The following KIAA1328 variants were observed in gnomAD, a reference collection of about 807,000 sequenced individuals.
KIAA1328 encodes the protein protein hinderin.
A neutral mutation model predicts 68.1 loss-of-function variants in KIAA1328; 52 were observed. The observed-to-expected ratio is 0.76, with a 90% CI of 0.61 to 0.96. The LOEUF (loss-of-function observed/expected upper bound fraction) is 0.96. KIAA1328 is among the 40% of genes least tolerant of loss of function. The probability of loss-of-function intolerance (pLI) is 0.00; values close to 1 mark genes in which losing one functional copy is unlikely to be tolerated. For synonymous variants in KIAA1328, 232 were observed against 239.4 expected (o/e 0.97, Z 0.28); for missense variants, 641 against 677.6 (o/e 0.95, Z 0.60).
intron 3 of KIAA1328, among the ~76,000 whole-genome samples, chr18:36,837,915 ACT>A (rs1486945914): frequency 6.6e-6 from 1 of 151,048 alleles, no homozygotes; most frequent in Non-Finnish European, 1.5e-5. Context: ...TTATTTTTGG[ACT>A]CTCTGTATTC....
At chr18:36,940,949 T>C (rs557345365) in intron 5 of KIAA1328, among the ~76,000 whole-genome samples, 23 of 152,254 alleles carry the variant, frequency 1.5e-4, no homozygotes, top group Middle Eastern at 3.4e-3. Flanking sequence ...GCTGGAATTA[T>C]AGGCATGAGC....
intron 5 of KIAA1328, among the ~76,000 whole-genome samples, chr18:36,898,600 T>C (rs935017510): frequency 2.0e-5 from 3 of 151,984 alleles, no homozygotes; most frequent in South Asian, 2.1e-4. Flanking sequence ...AAAAAAGATA[T>C]ATGTTTATTT....
intron 7 of KIAA1328, among the ~76,000 whole-genome samples, chr18:37,106,285 G>C (rs879264293): frequency 2.6e-5 from 4 of 152,162 alleles, no homozygotes; most frequent in Non-Finnish European, 5.9e-5. Context: ...CTAATACAGA[G>C]ATAAAGGAAG....
chr18:36,886,709 A>T (rs773947316), intron 5 of KIAA1328, among the ~76,000 whole-genome samples: 1 of 152,172 alleles, frequency 6.6e-6, no homozygotes, highest in East Asian at 1.9e-4. Context: ...CTGCCAGCTA[A>T]ACTAGTGTGT....
At chr18:36,987,828 T>G (rs963056303) in intron 6 of KIAA1328, among the ~76,000 whole-genome samples, 1 of 152,132 alleles carries the variant, frequency 6.6e-6, no homozygotes, top group Non-Finnish European at 1.5e-5. Flanking sequence ...AATGCTGTTT[T>G]TTTTTGTTTT....
intron 9 of KIAA1328, among the ~76,000 whole-genome samples, chr18:37,181,036 T>A (rs1343296820): frequency 2.6e-5 from 4 of 152,162 alleles, no homozygotes; most frequent in African/African-American, 9.6e-5. Context: ...ATAGAATTTA[T>A]TCCCATTTTT....
Position 37,111,686 on chromosome 18 carries a change from G to A in KIAA1328, c.1232+44141G>A, listed in dbSNP as rs146007146. On this transcript the variant is annotated intron_variant, in intron 7 of 9. Transcript: ENST00000280020. ...CTCACTGGGGCTTGTCAGACAGTGG[G>A]TGTAGCCCTGGGAGTATGAGCCAAA... Among the ~76,000 whole-genome samples, 110 of 152,298 alleles carry A rather than the reference G, an allele frequency of 7.2e-4. No individual in the cohort carries two copies. In the East Asian group the frequency reaches 0.021, roughly 29 times the overall value.
At chr18:37,147,001 A>C (rs752346556) in intron 7 of KIAA1328, among the ~76,000 whole-genome samples, 1 of 152,112 alleles carries the variant, frequency 6.6e-6, no homozygotes, top group Non-Finnish European at 1.5e-5. Context: ...AGCTCCCATG[A>C]AAGCTGGTTG....
intron 9 of KIAA1328, among the ~76,000 whole-genome samples, chr18:37,215,733 C>T (rs1321377859): frequency 4.6e-5 from 7 of 152,154 alleles, no homozygotes; most frequent in Non-Finnish European, 8.8e-5. Context: ...GTACCAGCTC[C>T]TCTTTGTACC....
rs1261948972 is a variant in KIAA1328, at chr18:36,844,191, A to AT, written c.238-17_238-16insT. On this transcript the variant is annotated splice_polypyrimidine_tract_variant and intron_variant, in intron 3 of 9. Coordinates refer to ENST00000280020, the MANE Select transcript of KIAA1328 (RefSeq NM_020776.3). ...ATTGGTTTTAGAAAAAGTGTAACTA[A>AT]ATTTTTTTTTTTTAAGAATTCCTGC... is the stretch of plus-strand genomic sequence containing the variant. 6.6e-7 allele frequency: 1 copy of AT among 1,512,530 alleles called. No homozygotes were observed. 93.7% of individuals were successfully genotyped at this position (1,512,530 alleles called of 1,614,324 possible). A position where few individuals can be genotyped will look rare whatever the true frequency, so the allele number is the denominator to read the frequency against.
Position 37,174,136 on chromosome 18 carries a change from A to G in KIAA1328, c.1523+1055A>G, listed in dbSNP as rs1252277102. Among the ~76,000 whole-genome samples the G allele has an allele frequency of 4.6e-5, 7 of 152,274 alleles. No individual in the cohort carries two copies. In the East Asian group the frequency reaches 1.4e-3, roughly 29 times the overall value. On this transcript the variant is annotated intron_variant, in intron 9 of 9. Coordinates refer to ENST00000280020, the MANE Select transcript of KIAA1328 (RefSeq NM_020776.3). ...TGCATTGTCTAATTTAATCTTCACA[A>G]CCTTATGAGGTGGCACTATTATCCC...
At chr18:37,154,271 A>G (rs1397796395) in intron 7 of KIAA1328, among the ~76,000 whole-genome samples, 2 of 152,142 alleles carry the variant, frequency 1.3e-5, no homozygotes, top group Non-Finnish European at 2.9e-5. Context: ...CTCTTATTAA[A>G]AATTCCCCAG....
intron 6 of KIAA1328, among the ~76,000 whole-genome samples, chr18:37,059,679 C>G (rs2056068631): frequency 1.3e-5 from 2 of 152,102 alleles, no homozygotes; most frequent in Non-Finnish European, 1.5e-5. Context: ...CCCAGCAGTC[C>G]CATTACTGGG....
chr18:37,021,849 T>C (rs2054358907), intron 6 of KIAA1328, among the ~76,000 whole-genome samples: 1 of 151,908 alleles, frequency 6.6e-6, no homozygotes, highest in Admixed American at 6.6e-5. Flanking sequence ...CCATCCTGGC[T>C]AACACAGTGG....
intron 6 of KIAA1328, among the ~76,000 whole-genome samples, chr18:37,030,181 C>G (rs2054765963): frequency 6.6e-6 from 1 of 151,396 alleles, no homozygotes; most frequent in Admixed American, 6.6e-5. Flanking sequence ...TGTTTCTGCC[C>G]TTATGTTTAT....
intron 7 of KIAA1328, among the ~76,000 whole-genome samples, chr18:37,073,845 C>T (rs1437913530): frequency 1.3e-5 from 2 of 151,994 alleles, no homozygotes; most frequent in Non-Finnish European, 2.9e-5. Flanking sequence ...CTGATAATAC[C>T]AACGTTTATG....
intron 9 of KIAA1328, among the ~76,000 whole-genome samples, chr18:37,184,135 A>C (rs997671140): frequency 2.6e-5 from 4 of 152,248 alleles, no homozygotes; most frequent in African/African-American, 9.6e-5. Flanking sequence ...TTACCAGTTC[A>C]TGACATTCCA....
intron 6 of KIAA1328, among the ~76,000 whole-genome samples, chr18:37,017,068 T>C (rs1263848119): frequency 2.0e-5 from 3 of 152,162 alleles, no homozygotes; most frequent in Non-Finnish European, 4.4e-5. Flanking sequence ...AGATCATTAA[T>C]TTGAGATCTT....
At chr18:36,911,736 A>G (rs2049459598) in intron 5 of KIAA1328, among the ~76,000 whole-genome samples, 1 of 152,170 alleles carries the variant, frequency 6.6e-6, no homozygotes. Context: ...ACCTGATCAA[A>G]TTACTTTTTA....
Sources: gnomAD v4.1 joint callset for allele counts (sites outside exome capture counted in the v4.1 genomes callset) on GRCh38, gnomAD v4.1.1 for gene constraint, MANE v1.5 for transcripts, NCBI Gene and HGNC (gene_info 2026-07-23, HGNC 2026-07-21) for gene names.